Variants in ZFP14 observed in about 807,000 individuals in gnomAD.
ZFP14 encodes the protein zinc finger protein 14 homolog.
In ZFP14, 22 loss-of-function variants were observed where a neutral mutation model predicts 54.5. The observed-to-expected ratio is 0.40, with a 90% CI of 0.29 to 0.58. The LOEUF is 0.58. ZFP14 is among the 20% of genes least tolerant of loss of function. ZFP14 has a pLI of 0.39. For synonymous variants in ZFP14, 159 were observed against 204.0 expected (o/e 0.78, Z 1.88); for missense variants, 470 against 637.8 (o/e 0.74, Z 2.83).
At position 36,341,410 on chromosome 19, in the gene ZFP14, T is replaced by C. The variant is rs752015442; in HGVS notation, c.416A>G (p.Tyr139Cys). The C allele has an allele frequency of 2.5e-6, 4 of 1,614,010 alleles. No homozygotes were observed. The South Asian group carries it at 4.4e-5, about 18-fold the overall frequency. ...AGAGGTAATTTTCACTTGCCCAAAATATCCCTCTTGTTGTTCCTTTTCCCC... is the reference window on the plus strand; with the variant it reads ...AGAGGTAATTTTCACTTGCCCAAAACATCCCTCTTGTTGTTCCTTTTCCCC... ...IEGEKEQQEG[Y>C]FGQVKITSEK... Residue 139 changes from tyrosine (Y) to cysteine (C), a missense_variant, in exon 5 of 5, where the codon TAT becomes TGT. Transcript: ENST00000270001. This position sits in a 1 kb window ranked among gnomAD's most constrained non-coding sequence, Gnocchi z 4.2.
rs1443477361 is a variant in ZFP14, at chr19:36,375,572, T to C, written c.-80+3591A>G. ...CCAGCTAATTTTTGTATTTTCTTTT[T>C]TTTTTTTTTTTGAGACGGAGTCGTG... On this transcript the variant is annotated intron_variant, in intron 1 of 4. Transcript: ENST00000270001. 2.0e-5 allele frequency among the ~76,000 whole-genome samples: 3 copies of C among 148,774 alleles called. No individual in the cohort carries two copies. In the East Asian group the frequency reaches 5.9e-4, roughly 29 times the overall value.
At chr19:36,353,834 G>C (rs942467645) in intron 4 of ZFP14, among the ~76,000 whole-genome samples, 1 of 141,814 alleles carries the variant, frequency 7.1e-6, no homozygotes, top group African/African-American at 2.6e-5. Context: ...AGCACTTTGG[G>C]AGACTGAGGT....
At chr19:36,361,164 C>G (rs1483786685) in intron 3 of ZFP14, among the ~76,000 whole-genome samples, 1 of 152,016 alleles carries the variant, frequency 6.6e-6, no homozygotes, top group Non-Finnish European at 1.5e-5. Flanking sequence ...TGTTAAATGC[C>G]AGGCTTTTAG....
chr19:36,349,231 CAAAAAAAAAAACA>C (rs1391549534), intron 4 of ZFP14, among the ~76,000 whole-genome samples: 1 of 4,264 alleles, frequency 2.3e-4, no homozygotes, highest in Non-Finnish European at 4.1e-4. Flanking sequence ...AACTCTGTCT[CAAAAAAAAAAACA>C]AAAAAAAAAA....
chr19:36,365,934 T>G lies in ZFP14; in HGVS notation c.9+1950A>C, dbSNP rs113091072. On this transcript the variant is annotated intron_variant, in intron 2 of 4. Transcript: ENST00000270001. ...GGGATCATACCACCGCATTCCGGCCTGGGTGACTGAGTGAGACCTTCTGTC... is the reference window on the plus strand; with the variant it reads ...GGGATCATACCACCGCATTCCGGCCGGGGTGACTGAGTGAGACCTTCTGTC... 6.9e-3 allele frequency among the ~76,000 whole-genome samples: 1,016 copies of G among 147,676 alleles called. 19 individuals are homozygous for G. The highest frequency in any genetic ancestry group is 0.024 in the African/African-American group (965 of 40,220).
chr19:36,364,719 T>G, intron 2 of ZFP14, among the ~76,000 whole-genome samples: 1 of 152,142 alleles, frequency 6.6e-6, no homozygotes, highest in Non-Finnish European at 1.5e-5. Flanking sequence ...CAGTCAACAC[T>G]AAATCCTATC....
At chr19:36,350,043 C>T (rs1377453052) in intron 4 of ZFP14, among the ~76,000 whole-genome samples, 1 of 138,878 alleles carries the variant, frequency 7.2e-6, no homozygotes, top group Non-Finnish European at 1.6e-5. Flanking sequence ...GGTGCTTGAG[C>T]CCGGGAAGTG....
chr19:36,356,499 G>T (rs781438788), intron 4 of ZFP14, among the ~76,000 whole-genome samples: 18 of 151,752 alleles, frequency 1.2e-4, no homozygotes, highest in Non-Finnish European at 1.2e-4. Context: ...AGTTCTATGT[G>T]CACTCATGTG....
intron 1 of ZFP14, among the ~76,000 whole-genome samples, chr19:36,373,752 A>C (rs111326880): frequency 0.017 from 2,609 of 152,026 alleles, 33 homozygotes; most frequent in Middle Eastern, 0.031. Flanking sequence ...CTCTACAAAA[A>C]AATTTTAAAA....
chr19:36,371,708 C>T (rs2031879205), intron 1 of ZFP14, among the ~76,000 whole-genome samples: 1 of 152,024 alleles, frequency 6.6e-6, no homozygotes, highest in African/African-American at 2.4e-5. Context: ...CCTATAATCC[C>T]AGCACTTTGG....
chr19:36,366,322 T>TTG, intron 2 of ZFP14, among the ~76,000 whole-genome samples: 1 of 152,028 alleles, frequency 6.6e-6, no homozygotes. Flanking sequence ...AGTTCTTGTT[T>TTG]TGTTTTGTCT....
At chr19:36,370,345 A>G (rs1344283876) in intron 1 of ZFP14, among the ~76,000 whole-genome samples, 1 of 152,192 alleles carries the variant, frequency 6.6e-6, no homozygotes. Flanking sequence ...AGTAAAACCC[A>G]GCAACAGGGA....
intron 1 of ZFP14, among the ~76,000 whole-genome samples, chr19:36,370,579 C>G (rs1415555063): frequency 6.6e-6 from 1 of 152,270 alleles, no homozygotes; most frequent in Non-Finnish European, 1.5e-5. Context: ...CAGTATGGCA[C>G]CAGTCACAGT....
At chr19:36,366,389 G>A (rs960529495) in intron 2 of ZFP14, among the ~76,000 whole-genome samples, 1 of 152,128 alleles carries the variant, frequency 6.6e-6, no homozygotes, top group Non-Finnish European at 1.5e-5. Context: ...TGCGATCTCG[G>A]TTCACTGTAA....
chr19:36,361,547 T>G (rs912872306), intron 3 of ZFP14, among the ~76,000 whole-genome samples: 1 of 144,992 alleles, frequency 6.9e-6, no homozygotes, highest in African/African-American at 2.6e-5. Flanking sequence ...ACCTTGAGGT[T>G]TTTTTGAGAT....
intron 2 of ZFP14, among the ~76,000 whole-genome samples, chr19:36,363,441 C>T (rs1402594132): frequency 6.6e-6 from 1 of 151,660 alleles, no homozygotes; most frequent in South Asian, 2.1e-4. Context: ...GTGATCCGCC[C>T]GCCTCGGCTT....
intron 2 of ZFP14, among the ~76,000 whole-genome samples, chr19:36,365,477 G>A (rs2945945): frequency 0.68 from 103,225 of 151,898 alleles, 35,354 homozygotes; most frequent in African/African-American, 0.76. Flanking sequence ...ACGTGATAGC[G>A]GGAACGGCTG....
chr19:36,345,340 A>G (rs1287263617), intron 4 of ZFP14, among the ~76,000 whole-genome samples: 1 of 152,190 alleles, frequency 6.6e-6, no homozygotes, highest in Admixed American at 6.5e-5. Context: ...CAACGCAACT[A>G]AAGTATTTTT....
chr19:36,349,151 C>T (rs1205635876), intron 4 of ZFP14, among the ~76,000 whole-genome samples: 1 of 143,128 alleles, frequency 7.0e-6, no homozygotes, highest in African/African-American at 2.6e-5. Context: ...ATCACTTGAA[C>T]CCAGGAGAGG....
Sources: allele counts gnomAD v4.1 joint callset (sites outside exome capture counted in the v4.1 genomes callset), GRCh38; gene constraint gnomAD v4.1.1; non-coding constraint Gnocchi (gnomAD v3.1); transcripts MANE v1.5; gene names NCBI Gene and HGNC (gene_info 2026-07-23, HGNC 2026-07-21).